Variants in TBC1D31 observed in about 807,000 individuals in gnomAD.
TBC1D31 encodes the protein TBC1 domain family member 31.
TBC1D31 carries 99 observed loss-of-function variants against 132.9 expected under a neutral mutation model. The observed-to-expected ratio is 0.74, with a 90% CI of 0.63 to 0.88. The LOEUF is 0.88. Among genes scored for constraint, TBC1D31 ranks in the 40% least tolerant of loss-of-function variants. TBC1D31 has a pLI of 0.00. For missense variants in TBC1D31, 1,134 were observed against 1,256.6 expected, an observed-to-expected ratio of 0.90 and a Z score of 1.48; for synonymous variants, 385 against 419.4, an observed-to-expected ratio of 0.92 and a Z score of 1.00.
intron 21 of TBC1D31, among the ~76,000 whole-genome samples, chr8:123,150,953 T>C (rs1822716702): frequency 6.6e-6 from 1 of 152,228 alleles, no homozygotes; most frequent in South Asian, 2.1e-4. Flanking sequence ...AAAGACGAGC[T>C]TTATAAGAAA....
intron 16 of TBC1D31, among the ~76,000 whole-genome samples, chr8:123,130,946 T>C (rs531502060): frequency 4.2e-4 from 64 of 152,154 alleles, no homozygotes; most frequent in African/African-American, 1.5e-3. Context: ...AGGGGACATA[T>C]TCTTTTTTCA....
chr8:123,128,032 CT>C, intron 13 of TBC1D31: 1 of 283,736 alleles, frequency 3.5e-6, no homozygotes, highest in Non-Finnish European at 6.4e-6. Context: ...TTGAAGCATT[CT>C]TTTTCTATTG....
chr8:123,145,468 C>CA (rs1822107789), intron 20 of TBC1D31, among the ~76,000 whole-genome samples: 2 of 152,120 alleles, frequency 1.3e-5, no homozygotes, highest in African/African-American at 4.8e-5. Context: ...ACAGTATATT[C>CA]AAGTATCACA....
chr8:123,106,394 T>C (rs1817924046), intron 8 of TBC1D31, among the ~76,000 whole-genome samples: 1 of 152,208 alleles, frequency 6.6e-6, no homozygotes, highest in African/African-American at 2.4e-5. Context: ...ACCTTTATTT[T>C]ACTTAAAAAA....
At chr8:123,114,697 A>G (rs1324997325) in intron 10 of TBC1D31, among the ~76,000 whole-genome samples, 1 of 152,242 alleles carries the variant, frequency 6.6e-6, no homozygotes, top group Non-Finnish European at 1.5e-5. Context: ...TCTTTGTAAA[A>G]TAATTCAAAC....
chr8:123,125,706 A>G (rs1054218612), intron 11 of TBC1D31, among the ~76,000 whole-genome samples: 7 of 152,198 alleles, frequency 4.6e-5, no homozygotes, highest in Non-Finnish European at 7.3e-5. Flanking sequence ...ACATTTAATG[A>G]AGGGTTAAAT....
At chr8:123,147,130 G>A (rs1271149382) in intron 20 of TBC1D31, among the ~76,000 whole-genome samples, 20 of 151,512 alleles carry the variant, frequency 1.3e-4, no homozygotes, top group Admixed American at 1.3e-3. Flanking sequence ...CATGGGAGCT[G>A]TCACTTCTCC....
At chr8:123,076,233 T>G (rs1018427993) in intron 1 of TBC1D31, among the ~76,000 whole-genome samples, 1 of 152,114 alleles carries the variant, frequency 6.6e-6, no homozygotes, top group Non-Finnish European at 1.5e-5. Context: ...CCTGAGTAAC[T>G]GGGATCACAG....
At chr8:123,103,831 G>C (rs1220497306) in intron 7 of TBC1D31, 1 of 152,180 alleles carries the variant, frequency 6.6e-6, no homozygotes, top group African/African-American at 2.4e-5. Context: ...GATATCACAT[G>C]AATAGAAAAG....
chr8:123,153,616 C>G (rs16898056), downstream of TBC1D31, among the ~76,000 whole-genome samples: 2 of 152,186 alleles, frequency 1.3e-5, no homozygotes, highest in Admixed American at 1.3e-4. Context: ...GCTTGGTTGA[C>G]ATTGCAAAGG....
Position 123,100,834 on chromosome 8 carries a change from A to G in TBC1D31, c.859A>G (p.Ile287Val), listed in dbSNP as rs146525996. The G allele has an allele frequency of 6.2e-6, 10 of 1,613,612 alleles. No individual in the cohort carries two copies. In the African/African-American group the frequency reaches 1.1e-4, roughly 17 times the overall value. ...TCTTGGAGTACTAAGTCAAGATGGTATTATGAGATTTATCAATATGCAGAC... is the reference window on the plus strand; with the variant it reads ...TCTTGGAGTACTAAGTCAAGATGGTGTTATGAGATTTATCAATATGCAGAC... The part of the protein sequence containing the change: ...QVLGVLSQDG[I>V]MRFINMQTCK... The change falls in exon 7 of 22, where the codon ATT (isoleucine) becomes GTT (valine). Residue 287 changes from isoleucine to valine, a missense_variant. Coordinates refer to ENST00000287380, the MANE Select transcript of TBC1D31 (RefSeq NM_145647.4).
the TBC1D31 span, among the ~76,000 whole-genome samples, chr8:123,162,691 A>G: frequency 6.6e-6 from 1 of 152,164 alleles, no homozygotes; most frequent in Non-Finnish European, 1.5e-5. Context: ...GGTTTTGCTT[A>G]TTTTCAATTG....
chr8:123,125,538 T>A lies in TBC1D31; in HGVS notation c.1571-518T>A, dbSNP rs190922443. Among the ~76,000 whole-genome samples the A allele has an allele frequency of 1.5e-3, 234 of 152,362 alleles. 1 individual carries two copies. Among genetic ancestry groups the A allele is most frequent in the African/African-American group, 5.6e-3 (231 of 41,586 alleles). On this transcript the variant is annotated intron_variant, in intron 11 of 21. Transcript: ENST00000287380. The stretch of plus-strand genomic sequence containing the variant: ...CTTTTCCTCAGAATGAGGACATTTT[T>A]ATTGTCATTATAATGTTTAAGGGAT...
intron 20 of TBC1D31, among the ~76,000 whole-genome samples, chr8:123,147,942 A>G (rs1217214550): frequency 6.6e-6 from 1 of 151,984 alleles, no homozygotes; most frequent in African/African-American, 2.4e-5. Flanking sequence ...CCTGGCCAAT[A>G]TGGTGAAACC....
In TBC1D31 at chr8:123,084,892, C is replaced by T. The variant is rs150352653; in HGVS notation, c.519+552C>T. 9.1e-3 allele frequency among the ~76,000 whole-genome samples: 1,389 copies of T among 152,218 alleles called. 30 individuals carry two copies. The highest frequency in any genetic ancestry group is 0.032 in the African/African-American group (1,331 of 41,538). ...GTAACCTCTGCCTTACAGGTTCAAG[C>T]GATTCTCCTGCCTTAGCCTCCCATG... On this transcript the variant is annotated intron_variant, in intron 4 of 21. Coordinates refer to ENST00000287380, the MANE Select transcript of TBC1D31 (RefSeq NM_145647.4).
chr8:123,099,692 G>A (rs1817192512), intron 6 of TBC1D31, among the ~76,000 whole-genome samples: 1 of 152,148 alleles, frequency 6.6e-6, no homozygotes. Context: ...CCTTGTTTCT[G>A]ATAGCCAGTG....
At chr8:123,156,567 G>A (rs1158274646), downstream of TBC1D31, among the ~76,000 whole-genome samples, 1 of 152,154 alleles carries the variant, frequency 6.6e-6, no homozygotes, top group Non-Finnish European at 1.5e-5. Flanking sequence ...GACCTGGGCA[G>A]AAGGGAGATG....
At chr8:123,160,444 AAGTTGGG>A in the TBC1D31 span, among the ~76,000 whole-genome samples, 1 of 151,862 alleles carries the variant, frequency 6.6e-6, no homozygotes, top group Non-Finnish European at 1.5e-5. Flanking sequence ...GGAAGAAGGG[AAGTTGGG>A]GAGGAGAAGG....
chr8:123,106,440 T>C (rs1817927132), intron 8 of TBC1D31, among the ~76,000 whole-genome samples: 2 of 152,224 alleles, frequency 1.3e-5, no homozygotes, highest in South Asian at 4.1e-4. Flanking sequence ...TACTGACATA[T>C]TGTCAGAATT....
Sources: allele counts gnomAD v4.1 joint callset (sites outside exome capture counted in the v4.1 genomes callset), GRCh38; gene constraint gnomAD v4.1.1; transcripts MANE v1.5; gene names NCBI Gene and HGNC (gene_info 2026-07-23, HGNC 2026-07-21).